Variants in USP24 observed in about 807,000 individuals in gnomAD.
The protein encoded by USP24 is ubiquitin specific peptidase 24.
USP24 carries 97 observed loss-of-function variants against 361.6 expected under a neutral mutation model. That is an observed-to-expected ratio of 0.27 (90% CI 0.23 to 0.32). USP24 has a LOEUF of 0.32. USP24 is among the 10% of genes least tolerant of loss of function. The probability of loss-of-function intolerance (pLI) is 1.00; values close to 1 mark genes in which losing one functional copy is unlikely to be tolerated. For missense variants in USP24, 2,353 were observed against 3,165.6 expected (o/e 0.74, Z 6.16); for synonymous variants, 1,098 against 1,124.6 (o/e 0.98, Z 0.47).
At position 55,069,090 on chromosome 1, in the gene USP24, C is replaced by G. The variant is rs1644867598; in HGVS notation, c.7818G>C (p.Met2606Ile). The change falls in exon 68 of 68, where the codon ATG becomes ATC. Residue 2606 changes from methionine to isoleucine, a missense_variant. By Grantham distance (10) the Met-to-Ile change is conservative (BLOSUM62 1). Transcript: ENST00000294383. ...GGTCACTTCTCAACTCACCAATCAT[C>G]ATGGGAGATTCTGAACCCTGCAGAA... The part of the protein sequence containing the change: ...RHLQQGSESP[M>I]MIGELRSDLD... 5.6e-6 allele frequency: 9 copies of G among 1,613,882 alleles called. No homozygotes were observed. Among genetic ancestry groups the G allele is most frequent in the Non-Finnish European group, 7.6e-6 (9 of 1,179,902 alleles).
intron 1 of USP24, among the ~76,000 whole-genome samples, chr1:55,196,317 G>A (rs1240910449): frequency 6.6e-6 from 1 of 152,116 alleles, no homozygotes; most frequent in Non-Finnish European, 1.5e-5. Flanking sequence ...ACCTCAGTGA[G>A]TTGAATCTAA....
intron 1 of USP24, among the ~76,000 whole-genome samples, chr1:55,201,666 A>G (rs1644580202): frequency 6.6e-6 from 1 of 151,462 alleles, no homozygotes; most frequent in Non-Finnish European, 1.5e-5. Flanking sequence ...AACAATGCCA[A>G]TGCAATGAGA....
intron 1 of USP24, 129 bp from the exon 2 acceptor site, chr1:55,178,261 T>G: frequency 1.0e-6 from 1 of 954,536 alleles, no homozygotes; most frequent in South Asian, 1.6e-5. Context: ...GGATTCTACC[T>G]TTCTTTCCTA....
Position 55,154,676 on chromosome 1 carries a change from G to C in USP24, c.1549C>G (p.Gln517Glu). ...AAGTCTGACTGAACACGTACCTTCTGAATGAGAACAAACAAATGATTAAGC... is the reference window on the plus strand; with the variant it reads ...AAGTCTGACTGAACACGTACCTTCTCAATGAGAACAAACAAATGATTAAGC... Reference protein sequence around the residue: ...DQLNHLFVLIQKSWETESDRV... With the variant: ...DQLNHLFVLIEKSWETESDRV... The change falls in exon 13 of 68, where the codon CAG (glutamine) becomes GAG (glutamate). Residue 517 changes from glutamine (Q) to glutamate (E), a missense_variant. This residue lies in a region of USP24 where 386 missense variants were observed against 560.5 expected (regional missense o/e 0.69). Transcript: ENST00000294383. 1 of 1,612,692 alleles carries C rather than the reference G, an allele frequency of 6.2e-7. No individual in the cohort carries two copies.
chr1:55,120,629 G>A lies in USP24; in HGVS notation c.4475C>T (p.Ser1492Phe). 1 of 1,557,648 alleles carries A rather than the reference G, an allele frequency of 6.4e-7. No individual in the cohort carries two copies. The highest frequency in any genetic ancestry group is 8.7e-7 in the Non-Finnish European group (1 of 1,149,776). ...VILTAQLPLW[S>F]PTSIMRGVNQ... Reference sequence around the variant, plus strand: ...GACTCCTCTCATAATACTAGTTGGAGACCAGAGAGGCAGCTGAGCCGTGAG... The same window carrying A: ...GACTCCTCTCATAATACTAGTTGGAAACCAGAGAGGCAGCTGAGCCGTGAG... Residue 1492 changes from serine to phenylalanine, a missense_variant, in exon 38 of 68, where the codon TCT (serine) becomes TTT (phenylalanine). Coordinates refer to ENST00000294383, the MANE Select transcript of USP24 (RefSeq NM_015306.3).
intron 5 of USP24, among the ~76,000 whole-genome samples, chr1:55,167,217 C>A (rs1055867176): frequency 1.3e-5 from 2 of 152,098 alleles, no homozygotes; most frequent in African/African-American, 2.4e-5. Context: ...AACAAAAAGG[C>A]CTCGAAAGAA....
Position 55,142,966 on chromosome 1 carries a change from C to T in USP24, c.2580+13G>A. 2 of 1,488,186 alleles carry T rather than the reference C, an allele frequency of 1.3e-6. No homozygotes were observed. The highest frequency in any genetic ancestry group is 1.8e-6 in the Non-Finnish European group (2 of 1,107,036). 92.2% of individuals were successfully genotyped at this position (1,488,186 alleles called of 1,614,324 possible). On this transcript the variant is annotated intron_variant, in intron 22 of 67. Coordinates refer to ENST00000294383, the MANE Select transcript of USP24 (RefSeq NM_015306.3). Reference sequence around the variant, plus strand: ...TTTTTGTATATGGATAACTTCTTTCCTTAGATACCTACCTTCTTTAATCTA... The same window carrying T: ...TTTTTGTATATGGATAACTTCTTTCTTTAGATACCTACCTTCTTTAATCTA...
intron 31 of USP24, among the ~76,000 whole-genome samples, chr1:55,130,284 A>G (rs1646554259): frequency 6.6e-6 from 1 of 152,210 alleles, no homozygotes; most frequent in African/African-American, 2.4e-5. Context: ...TAGGCATACA[A>G]TGCTCCCTTT....
intron 55 of USP24, among the ~76,000 whole-genome samples, chr1:55,089,155 C>T (rs987413279): frequency 1.6e-4 from 25 of 152,252 alleles, no homozygotes; most frequent in African/African-American, 2.2e-4. Flanking sequence ...GTCTGCCCGC[C>T]GTGGCCTCCC....
chr1:55,172,460 T>C lies in USP24; in HGVS notation c.619A>G (p.Met207Val). 6.2e-7 allele frequency: 1 copy of C among 1,613,602 alleles called. No individual in the cohort carries two copies. ...GTEIHEGIYN[M>V]LMLLIELVAE... is the part of the protein sequence containing the mutation. ...ACCAGTTCTATTAATAGCATCAACA[T>C]GTTGTAAATTCCTTCATGAATTTCA... The change falls in exon 4 of 68, where the codon ATG becomes GTG. Residue 207 changes from methionine to valine, a missense_variant. This residue lies in a region of USP24 where 386 missense variants were observed against 560.5 expected (regional missense o/e 0.69). Transcript: ENST00000294383.
At chr1:55,147,891 G>A (rs1168848533) in intron 17 of USP24, 93 bp from the exon 18 acceptor site, 2 of 1,318,378 alleles carry the variant, frequency 1.5e-6, no homozygotes, top group African/African-American at 1.5e-5. Flanking sequence ...TGTAGTCCTA[G>A]ATGAGACAAA....
chr1:55,210,558 G>A (rs1644824444), intron 1 of USP24, among the ~76,000 whole-genome samples: 1 of 152,102 alleles, frequency 6.6e-6, no homozygotes, highest in Non-Finnish European at 1.5e-5. Flanking sequence ...CACATTGACA[G>A]TATTACAATT....
intron 56 of USP24, 47 bp downstream of exon 56, chr1:55,085,895 T>A (rs1645239733): frequency 6.4e-7 from 1 of 1,565,440 alleles, no homozygotes; most frequent in African/African-American, 1.4e-5. Context: ...TTTAAAACAT[T>A]TGGTAAAAAC....
intron 67 of USP24, chr1:55,071,396 G>A: frequency 1.0e-6 from 1 of 994,362 alleles, no homozygotes; most frequent in Non-Finnish European, 1.2e-6. Context: ...GACTCCCCTG[G>A]CAAGCAGGTA....
intron 1 of USP24, among the ~76,000 whole-genome samples, chr1:55,178,360 T>A (rs908660878): frequency 6.6e-6 from 1 of 152,114 alleles, no homozygotes; most frequent in African/African-American, 2.4e-5. Flanking sequence ...GGTGACCTCA[T>A]CTCTTTCGTT....
Position 55,215,322 on chromosome 1 carries a change from C to G in USP24, c.-209G>C, listed in dbSNP as rs934828173. On this transcript the variant is annotated 5_prime_UTR_variant, in exon 1 of 68. Transcript: ENST00000294383. ...AGTGCGGTGAGGCGCTCAGGCGCGG[C>G]TGCGGCCCGGCCCAGCCCTGCGCGC... Among the ~76,000 whole-genome samples, 1 of 151,778 alleles carries G rather than the reference C, an allele frequency of 6.6e-6. No individual in the cohort carries two copies. The highest frequency in any genetic ancestry group is 1.5e-5 in the Non-Finnish European group (1 of 67,882).
chr1:55,067,791 A>G lies in USP24; in HGVS notation c.*1254T>C, dbSNP rs1265208616. 2.0e-5 allele frequency: 3 copies of G among 152,218 alleles called. No homozygotes were observed. Among genetic ancestry groups the G allele is most frequent in the South Asian group, 2.1e-4 (1 of 4,832 alleles). The allele number at this position is 152,218 out of a possible 1,614,324, so 9.4% of individuals were successfully genotyped here. On this transcript the variant is annotated 3_prime_UTR_variant, in exon 68 of 68. Transcript: ENST00000294383. ...AAAATGTGAGCAATTCAAAATACAA[A>G]ATGTACAAAATATATATGAAATATG...
chr1:55,115,284 C>T (rs1456795756), intron 38 of USP24, among the ~76,000 whole-genome samples: 2 of 151,710 alleles, frequency 1.3e-5, no homozygotes, highest in African/African-American at 2.4e-5. Context: ...TTTGGGAGGC[C>T]GAGGCGGGCG....
In USP24 at chr1:55,081,385, T is replaced by A; in HGVS notation, c.7015A>T (p.Asn2339Tyr). The A allele has an allele frequency of 6.2e-7, 1 of 1,613,784 alleles. No individual in the cohort carries two copies. The highest frequency in any genetic ancestry group is 8.5e-7 in the Non-Finnish European group (1 of 1,179,720). The change falls in exon 59 of 68, where the codon AAT (asparagine) becomes TAT (tyrosine). Residue 2339 changes from asparagine (N) to tyrosine (Y), a missense_variant. By Grantham distance (143) the Asn-to-Tyr change is moderately radical. Transcript: ENST00000294383. Reference protein sequence around the residue: ...WSSAQAREFGNLHNTVALLVL... With the variant: ...WSSAQAREFGYLHNTVALLVL... ...AGTAACGCCACTGTATTGTGAAGAT[T>A]CCCAAATTCTCGTGCTTGTGCTGAA...
Sources: gnomAD v4.1 joint callset for allele counts (sites outside exome capture counted in the v4.1 genomes callset) on GRCh38, gnomAD v4.1.1 for gene constraint, gnomAD v4.1.1 regional missense constraint, MANE v1.5 for transcripts, NCBI Gene and HGNC (gene_info 2026-07-23, HGNC 2026-07-21) for gene names.